The following TCTN1 variants were observed in gnomAD, a reference collection of about 807,000 sequenced individuals.
TCTN1 encodes tectonic-1.
TCTN1 carries 58 observed loss-of-function variants against 65.8 expected under a neutral mutation model. That is an observed-to-expected ratio of 0.88 (90% CI 0.71 to 1.10). TCTN1 has a LOEUF of 1.10. Among genes scored for constraint, TCTN1 ranks in the 50% least tolerant of loss-of-function variants. The pLI is 0.00. For missense variants in TCTN1, 645 were observed against 719.4 expected (o/e 0.90, Z 1.18); for synonymous variants, 273 against 289.1 (o/e 0.94, Z 0.57).
intron 1 of TCTN1, among the ~76,000 whole-genome samples, chr12:110,618,441 G>C (rs371017132): frequency 6.6e-6 from 1 of 152,018 alleles, no homozygotes; most frequent in Non-Finnish European, 1.5e-5. Flanking sequence ...GGGTTTCACC[G>C]TGTTAGCCAG....
chr12:110,628,080 G>A (rs1254599668), intron 3 of TCTN1: 1 of 1,535,960 alleles, frequency 6.5e-7, no homozygotes, highest in South Asian at 1.2e-5. Flanking sequence ...TTTCACGGTG[G>A]CTGTGTGAGA....
intron 5 of TCTN1, chr12:110,634,285 T>TG (rs1317627190): frequency 7.2e-6 from 3 of 414,312 alleles, no homozygotes; most frequent in African/African-American, 2.0e-5. Flanking sequence ...TGGTGGTAGC[T>TG]GGGGGGCAGG....
rs749152030 is a variant in TCTN1, at chr12:110,614,278, A to G, written c.96A>G (p.Thr32=). Residue 32 remains threonine (T), a synonymous_variant, in exon 1 of 15, where the codon ACA becomes ACG. Coordinates refer to ENST00000397659, the MANE Select transcript of TCTN1 (RefSeq NM_001082538.3). ...CCGATGCCACCCCGGCGGTGACGAC[A>G]GAGGGCCTCAACTCCACCGAGGCAG... ...AQTDATPAVT[T]EGLNSTEAAL... is the part of the protein sequence containing the mutation. The G allele has an allele frequency of 1.9e-6, 3 of 1,596,506 alleles. No individual in the cohort carries two copies. Among genetic ancestry groups the G allele is most frequent in the African/African-American group, 2.7e-5 (2 of 74,882 alleles).
chr12:110,626,518 T>C (rs1044576667), intron 3 of TCTN1, 26 bp downstream of exon 3: 2 of 1,603,990 alleles, frequency 1.2e-6, no homozygotes, highest in South Asian at 1.1e-5. Flanking sequence ...TGATATATTT[T>C]GTGAAGCTCT....
At chr12:110,626,090 TTTC>T (rs1465143815) in intron 2 of TCTN1, among the ~76,000 whole-genome samples, 1 of 150,556 alleles carries the variant, frequency 6.6e-6, no homozygotes, top group Non-Finnish European at 1.5e-5. Flanking sequence ...TCTTTCTTTC[TTTC>T]TTTTTTTTTT....
At chr12:110,618,947 G>T (rs2065234380) in intron 1 of TCTN1, among the ~76,000 whole-genome samples, 1 of 151,032 alleles carries the variant, frequency 6.6e-6, no homozygotes, top group Non-Finnish European at 1.5e-5. Flanking sequence ...AAGGCTGGCA[G>T]ATCACTTGAG....
At chr12:110,629,058 A>G (rs375419276) in intron 4 of TCTN1, 140 bp downstream of exon 4, 32 of 904,888 alleles carry the variant, frequency 3.5e-5, no homozygotes, top group Middle Eastern at 2.6e-4. Flanking sequence ...GTTCATGCCT[A>G]CAAATCAAAG....
chr12:110,636,904 T>C (rs1028254246), intron 7 of TCTN1, among the ~76,000 whole-genome samples: 1 of 152,214 alleles, frequency 6.6e-6, no homozygotes, highest in Non-Finnish European at 1.5e-5. Context: ...CCATACCGCG[T>C]GGGAGGCGTG....
intron 13 of TCTN1, 60 bp downstream of exon 13, chr12:110,647,396 G>A: frequency 6.2e-7 from 1 of 1,600,148 alleles, no homozygotes; most frequent in Non-Finnish European, 8.6e-7. Context: ...CAACTCAAGT[G>A]TGGTAGGTGA....
chr12:110,629,133 A>G (rs550144548), intron 4 of TCTN1: 46 of 626,176 alleles, frequency 7.3e-5, no homozygotes, highest in African/African-American at 6.4e-4. Context: ...ACCTAAAACC[A>G]TACAAACCCT....
At chr12:110,633,347 A>C (rs1243217638) in intron 5 of TCTN1, among the ~76,000 whole-genome samples, 1 of 152,258 alleles carries the variant, frequency 6.6e-6, no homozygotes, top group African/African-American at 2.4e-5. Flanking sequence ...AGTGTAAATT[A>C]AAACCAAACC....
rs1041910358 is a variant in TCTN1 at position 110,627,285 on chromosome 12, CAG to C, written c.472+794_472+795del. 2.6e-5 allele frequency among the ~76,000 whole-genome samples: 4 copies of C among 151,950 alleles called. No individual in the cohort carries two copies. The South Asian group carries it at 8.3e-4, about 32-fold the overall frequency. On this transcript the variant is annotated intron_variant, in intron 3 of 14. Transcript: ENST00000397659. ...GCTAATTTTTTATTTTTAGTAGAGACAGGGTTTCACCATGTTGGCGAGGCTGG... is the reference window on the plus strand; with the variant it reads ...GCTAATTTTTTATTTTTAGTAGAGACGGTTTCACCATGTTGGCGAGGCTGG...
chr12:110,615,378 G>A (rs1167753479), intron 1 of TCTN1, among the ~76,000 whole-genome samples: 2 of 152,160 alleles, frequency 1.3e-5, no homozygotes, highest in African/African-American at 4.8e-5. Flanking sequence ...CATAGCAGCC[G>A]ATTCTTAAAG....
chr12:110,615,887 T>A (rs1194532173), intron 1 of TCTN1, among the ~76,000 whole-genome samples: 1 of 152,242 alleles, frequency 6.6e-6, no homozygotes, highest in African/African-American at 2.4e-5. Flanking sequence ...TAACTGCGGT[T>A]ACTGAACCTT....
At chr12:110,633,713 A>G (rs2066376559) in intron 5 of TCTN1, among the ~76,000 whole-genome samples, 1 of 152,152 alleles carries the variant, frequency 6.6e-6, no homozygotes, top group Non-Finnish European at 1.5e-5. Context: ...CCAAACTGAG[A>G]TACCATTTTC....
Position 110,640,905 on chromosome 12 carries a change from A to G in TCTN1, c.979-119A>G. The G allele has an allele frequency of 4.9e-6, 7 of 1,431,710 alleles. No homozygotes were observed. Among genetic ancestry groups the G allele is most frequent in the Non-Finnish European group, 6.8e-6 (7 of 1,023,964 alleles). The allele number at this position is 1,431,710 out of a possible 1,614,324, so 88.7% of individuals were successfully genotyped here. A position where few individuals can be genotyped will look rare whatever the true frequency, so the allele number is the denominator to read the frequency against. On this transcript the variant is annotated intron_variant, in intron 8 of 14. Coordinates refer to ENST00000397659, the MANE Select transcript of TCTN1 (RefSeq NM_001082538.3). The surrounding 1 kb of genome is among the most constrained non-coding windows in gnomAD (Gnocchi z 4.9). ...TCATAATCCAACTGGACAGCAGAGC[A>G]AGGCTTCAACACATGGAGAAACAGG...
At chr12:110,617,781 C>T (rs1050539950) in intron 1 of TCTN1, among the ~76,000 whole-genome samples, 2 of 151,222 alleles carry the variant, frequency 1.3e-5, no homozygotes, top group South Asian at 2.1e-4. Context: ...GCTGGGACTA[C>T]GGGTGTGTGC....
Position 110,615,333 on chromosome 12 carries a change from A to C in TCTN1, c.220+931A>C, listed in dbSNP as rs145545846. 6.9e-3 allele frequency among the ~76,000 whole-genome samples: 1,043 copies of C among 152,190 alleles called. 1 individual carries two copies. Among genetic ancestry groups the C allele is most frequent in the Non-Finnish European group, 9.4e-3 (636 of 68,008 alleles). On this transcript the variant is annotated intron_variant, in intron 1 of 14. Coordinates refer to ENST00000397659, the MANE Select transcript of TCTN1 (RefSeq NM_001082538.3). ...GTGACCCGCTAAGATTGAGTGCAAAACTTTGTGAATATGCCTTTTCCTGAG... is the reference window on the plus strand; with the variant it reads ...GTGACCCGCTAAGATTGAGTGCAAACCTTTGTGAATATGCCTTTTCCTGAG...
rs1330592015 is a variant in TCTN1 at position 110,639,598 on chromosome 12, T to C, written c.844-785T>C. 6.6e-6 allele frequency among the ~76,000 whole-genome samples: 1 copy of C among 152,144 alleles called. No homozygotes were observed. Among genetic ancestry groups the C allele is most frequent in the Non-Finnish European group, 1.5e-5 (1 of 68,026 alleles). On this transcript the variant is annotated intron_variant, in intron 7 of 14. Coordinates refer to ENST00000397659, the MANE Select transcript of TCTN1 (RefSeq NM_001082538.3). The surrounding 1 kb of genome is among the most constrained non-coding windows in gnomAD (Gnocchi z 4.9). ...AATGTGCATGTGTGGGTATGGAGTG[T>C]GTAGGAGTTGTGTTTTGGAGGTGAG... is the stretch of plus-strand genomic sequence containing the variant.
Sources: allele counts gnomAD v4.1 joint callset (sites outside exome capture counted in the v4.1 genomes callset), GRCh38; gene constraint gnomAD v4.1.1; non-coding constraint Gnocchi (gnomAD v3.1); transcripts MANE v1.5; gene names NCBI Gene and HGNC (gene_info 2026-07-23, HGNC 2026-07-21).